The following USP13 variants were observed in gnomAD, a reference collection of about 807,000 sequenced individuals.
USP13 encodes the protein ubiquitin specific peptidase 13.
USP13 carries 68 observed loss-of-function variants against 107.8 expected under a neutral mutation model. That is an observed-to-expected ratio of 0.63 (90% CI 0.52 to 0.77). USP13 has a LOEUF of 0.77. Ranked by LOEUF, USP13 falls within the 30% of genes least tolerant of loss-of-function variation. The probability of loss-of-function intolerance (pLI) is 0.00; values close to 1 mark genes in which losing one functional copy is unlikely to be tolerated. For missense variants in USP13, 945 were observed against 1,093.3 expected, an observed-to-expected ratio of 0.86 and a Z score of 1.91; for synonymous variants, 377 against 389.5, an observed-to-expected ratio of 0.97 and a Z score of 0.38.
chr3:179,781,091 T>G (rs1282663752), intron 19 of USP13, among the ~76,000 whole-genome samples: 3 of 152,200 alleles, frequency 2.0e-5, no homozygotes, highest in Non-Finnish European at 4.4e-5. Context: ...AAGAGGTACC[T>G]GTTAGAGAAT....
chr3:179,786,682 A>G lies in USP13; in HGVS notation c.*2541A>G, dbSNP rs1256870256. On this transcript the variant is annotated 3_prime_UTR_variant, in exon 21 of 21. Transcript: ENST00000263966. ...CAATATATACAAGGCAGGTTCCCCT[A>G]TAAAAGTCTGGAATGTACTGCTTAA... The G allele has an allele frequency of 6.6e-6, 1 of 152,366 alleles. No homozygotes were observed. The allele number at this position is 152,366 out of a possible 1,614,324, so 9.4% of individuals were successfully genotyped here.
At chr3:179,720,795 T>C (rs1399592207) in intron 7 of USP13, among the ~76,000 whole-genome samples, 1 of 151,872 alleles carries the variant, frequency 6.6e-6, no homozygotes, top group Non-Finnish European at 1.5e-5. Context: ...CCTTTCAATC[T>C]TTCTCTCTTT....
intron 15 of USP13, among the ~76,000 whole-genome samples, chr3:179,756,094 A>G (rs1014619104): frequency 6.6e-6 from 1 of 152,212 alleles, no homozygotes; most frequent in African/African-American, 2.4e-5. Context: ...GATGTTCATA[A>G]TAGAATCTTT....
chr3:179,753,501 T>A (rs1270435484), intron 14 of USP13, among the ~76,000 whole-genome samples: 1 of 152,226 alleles, frequency 6.6e-6, no homozygotes, highest in African/African-American at 2.4e-5. Context: ...TTATTTGTCC[T>A]TGGAATTTCT....
intron 4 of USP13, among the ~76,000 whole-genome samples, chr3:179,703,475 A>G (rs1486738800): frequency 1.3e-5 from 2 of 152,230 alleles, no homozygotes; most frequent in African/African-American, 4.8e-5. Flanking sequence ...TGCTGGGTTC[A>G]CAGAGACATA....
At chr3:179,701,909 C>T (rs1416080765) in intron 4 of USP13, among the ~76,000 whole-genome samples, 3 of 152,204 alleles carry the variant, frequency 2.0e-5, no homozygotes. Context: ...GAAGTGGGCG[C>T]AGAGTTCCTG....
Position 179,690,243 on chromosome 3 carries a change from G to C in USP13, c.297G>C (p.Lys99Asn). 1 of 1,613,510 alleles carries C rather than the reference G, an allele frequency of 6.2e-7. No homozygotes were observed. The highest frequency in any genetic ancestry group is 8.5e-7 in the Non-Finnish European group (1 of 1,179,780). The change falls in exon 3 of 21, where the codon AAG (lysine) becomes AAC (asparagine). Residue 99 changes from lysine to asparagine, a missense_variant and splice_region_variant. Lys to Asn is a moderately conservative substitution (Grantham distance 94). Transcript: ENST00000263966. ...ATGATCTTTTGTTTTCTTTTCAGAA[G>C]GTAAGAGGGGCGTCTGGTGGAGCGT... The part of the protein sequence containing the change: ...YMHLKRHVRE[K>N]VRGASGGALP...
intron 9 of USP13, 80 bp from the exon 10 acceptor site, chr3:179,730,536 T>C (rs1222871730): frequency 2.5e-6 from 3 of 1,187,010 alleles, no homozygotes; most frequent in East Asian, 2.6e-5. Context: ...GTTGTACTTA[T>C]TGATATTCAT....
chr3:179,758,016 G>A (rs984258263), intron 16 of USP13, among the ~76,000 whole-genome samples: 1 of 152,074 alleles, frequency 6.6e-6, no homozygotes, highest in Non-Finnish European at 1.5e-5. Context: ...TTCTTTCAAC[G>A]GTCTACAACT....
chr3:179,710,799 A>G (rs768683255), intron 6 of USP13, among the ~76,000 whole-genome samples: 8 of 152,222 alleles, frequency 5.3e-5, no homozygotes, highest in Non-Finnish European at 7.3e-5. Context: ...CTACAAACCT[A>G]TACAGCACAG....
chr3:179,754,866 TG>T lies in USP13; in HGVS notation c.1921+13del. 6.2e-7 allele frequency: 1 copy of T among 1,605,820 alleles called. No homozygotes were observed. Among genetic ancestry groups the T allele is most frequent in the Non-Finnish European group, 8.5e-7 (1 of 1,176,458 alleles). On this transcript the variant is annotated intron_variant, in intron 15 of 20. Coordinates refer to ENST00000263966, the MANE Select transcript of USP13 (RefSeq NM_003940.3). ...TGATGACTCAAAAGGTACCATCTCC[TG>T]CCAGGAGAATATGCGCTACCCTCCC...
intron 16 of USP13, among the ~76,000 whole-genome samples, chr3:179,760,396 G>T (rs910704563): frequency 6.7e-6 from 1 of 148,902 alleles, no homozygotes; most frequent in Non-Finnish European, 1.5e-5. Flanking sequence ...CCATTCTCCT[G>T]CCTCAGCCTC....
At chr3:179,714,191 T>C (rs190555142) in intron 6 of USP13, among the ~76,000 whole-genome samples, 64 of 152,318 alleles carry the variant, frequency 4.2e-4, no homozygotes, top group Non-Finnish European at 8.1e-4. Context: ...TGCTTTAGTG[T>C]CTTGGGTGAT....
In USP13 at chr3:179,787,645, C is replaced by T. The variant is rs1715948651; in HGVS notation, c.*3504C>T. 6.6e-6 allele frequency: 1 copy of T among 151,980 alleles called. No individual in the cohort carries two copies. The highest frequency in any genetic ancestry group is 1.5e-5 in the Non-Finnish European group (1 of 68,068). The allele number at this position is 151,980 out of a possible 1,614,324, so 9.4% of individuals were successfully genotyped here. A position where few individuals can be genotyped will look rare whatever the true frequency, so the allele number is the denominator to read the frequency against. The stretch of plus-strand genomic sequence containing the variant: ...CTTGAGATGGAGTCTCGCTGTGTTG[C>T]CAAGGCTGGAGTACAGTGGTGCAAT... On this transcript the variant is annotated 3_prime_UTR_variant, in exon 21 of 21. Transcript: ENST00000263966.
At chr3:179,682,553 C>T (rs1711699659) in intron 2 of USP13, among the ~76,000 whole-genome samples, 1 of 152,154 alleles carries the variant, frequency 6.6e-6, no homozygotes, top group Non-Finnish European at 1.5e-5. Flanking sequence ...TAAATGCTAT[C>T]ATACGCCTAA....
chr3:179,670,706 TA>T, intron 1 of USP13, among the ~76,000 whole-genome samples: 1 of 152,164 alleles, frequency 6.6e-6, no homozygotes, highest in African/African-American at 2.4e-5. Flanking sequence ...TTTATTTTTT[TA>T]TTTTTTTTGA....
At chr3:179,687,906 T>C (rs1711935470) in intron 2 of USP13, among the ~76,000 whole-genome samples, 1 of 152,018 alleles carries the variant, frequency 6.6e-6, no homozygotes, top group Non-Finnish European at 1.5e-5. Flanking sequence ...CCTGCAGCCT[T>C]TCTAACCCTC....
intron 19 of USP13, among the ~76,000 whole-genome samples, chr3:179,774,016 T>C (rs982639803): frequency 2.0e-5 from 3 of 152,116 alleles, no homozygotes; most frequent in Non-Finnish European, 4.4e-5. Context: ...AAAAGGAGGT[T>C]TGTTTGGCTC....
rs1327352019 is a variant in USP13 at position 179,707,167 on chromosome 3, A to G, written c.620+91A>G. On this transcript the variant is annotated intron_variant, in intron 5 of 20. Transcript: ENST00000263966. ...ACTTCTTTTTTGAATAGGAAGTTAT[A>G]TTTTTTCTTACCAGATGCCTTTTAT... 4.8e-6 allele frequency: 7 copies of G among 1,446,266 alleles called. No individual in the cohort carries two copies. The Admixed American group carries it at 1.3e-4, about 26-fold the overall frequency. 89.6% of individuals were successfully genotyped at this position (1,446,266 alleles called of 1,614,324 possible).
Sources: gnomAD v4.1 joint callset for allele counts (sites outside exome capture counted in the v4.1 genomes callset) on GRCh38, gnomAD v4.1.1 for gene constraint, MANE v1.5 for transcripts, NCBI Gene and HGNC (gene_info 2026-07-23, HGNC 2026-07-21) for gene names.